Variants in PIEZO2 observed in about 807,000 individuals in gnomAD.
PIEZO2 encodes piezo-type mechanosensitive ion channel component 2.
Under a neutral mutation model 337.3 loss-of-function variants are expected in PIEZO2, and 172 were observed. That is an observed-to-expected ratio of 0.51 (90% confidence interval 0.45 to 0.58). The LOEUF is 0.58. Among genes scored for constraint, PIEZO2 ranks in the 20% least tolerant of loss-of-function variants. The pLI is 0.00. For missense variants in PIEZO2, 3,028 were observed against 3,391.3 expected, an observed-to-expected ratio of 0.89 and a Z score of 2.66; for synonymous variants, 1,251 against 1,228.5, an observed-to-expected ratio of 1.02 and a Z score of -0.38.
chr18:10,695,817 T>C (rs972421960), intron 47 of PIEZO2, among the ~76,000 whole-genome samples: 3 of 152,222 alleles, frequency 2.0e-5, no homozygotes, highest in African/African-American at 4.8e-5. Flanking sequence ...ATTAAGGCTG[T>C]CACCGTTGTT....
At chr18:10,826,702 A>C (rs2040687635) in intron 7 of PIEZO2, among the ~76,000 whole-genome samples, 1 of 152,040 alleles carries the variant, frequency 6.6e-6, no homozygotes, top group African/African-American at 2.4e-5. Flanking sequence ...CCAACCTCTA[A>C]TTGGTTAGTT....
chr18:10,692,094 G>A (rs1469286967), intron 47 of PIEZO2, among the ~76,000 whole-genome samples: 8 of 151,838 alleles, frequency 5.3e-5, no homozygotes, highest in Non-Finnish European at 1.2e-4. Flanking sequence ...ACAGATGGTA[G>A]TCTTCTCTCC....
At chr18:11,030,428 C>T (rs1327913640) in intron 2 of PIEZO2, among the ~76,000 whole-genome samples, 1 of 152,152 alleles carries the variant, frequency 6.6e-6, no homozygotes, top group Non-Finnish European at 1.5e-5. Flanking sequence ...CCCTAGTACT[C>T]CCTAAGCCCA....
In PIEZO2 at chr18:11,090,902, A is replaced by G. The variant is rs1475931422; in HGVS notation, c.65-24680T>C. On this transcript the variant is annotated intron_variant, in intron 1 of 55. Coordinates refer to ENST00000674853, the MANE Select transcript of PIEZO2 (RefSeq NM_001378183.1). The stretch of plus-strand genomic sequence containing the variant: ...GCACTCCAGCCTGGGCGACAGAGCG[A>G]GACTCCGTCTAAAAAAAAAAAAAAA... Among the ~76,000 whole-genome samples, 47 of 132,790 alleles carry G rather than the reference A, an allele frequency of 3.5e-4. No individual in the cohort carries two copies. The Admixed American group carries it at 3.9e-3, about 11-fold the overall frequency. The allele number at this position is 132,790 out of a possible 152,430, so 87.1% of individuals were successfully genotyped here.
At chr18:10,723,071 G>A (rs1035131472) in intron 36 of PIEZO2, among the ~76,000 whole-genome samples, 2 of 148,932 alleles carry the variant, frequency 1.3e-5, no homozygotes, top group African/African-American at 2.5e-5. Context: ...GGATTCAAGC[G>A]ATTCTCCTAC....
rs145822215 is a variant in PIEZO2, at chr18:10,715,576, G to C, written c.5256+74C>G. The C allele has an allele frequency of 3.0e-6, 4 of 1,345,002 alleles. No homozygotes were observed. In the African/African-American group the frequency reaches 4.4e-5, roughly 15 times the overall value. 83.3% of individuals were successfully genotyped at this position (1,345,002 alleles called of 1,614,324 possible). On this transcript the variant is annotated intron_variant, in intron 38 of 55. Coordinates refer to ENST00000674853, the MANE Select transcript of PIEZO2 (RefSeq NM_001378183.1). The stretch of plus-strand genomic sequence containing the variant: ...GAAAGGGCTTTGTCTTATCCTACCT[G>C]GAGTTTTGGACATTGACTTTTAATG...
At chr18:10,806,104 A>G (rs62083238) in intron 8 of PIEZO2, among the ~76,000 whole-genome samples, 71,895 of 152,034 alleles carry the variant, frequency 0.47, 17,149 homozygotes, top group Middle Eastern at 0.57. Context: ...ACTGATGAAC[A>G]TGTGGGAATG....
intron 1 of PIEZO2, among the ~76,000 whole-genome samples, chr18:11,098,082 G>A (rs1215180792): frequency 2.0e-5 from 3 of 152,076 alleles, no homozygotes; most frequent in Admixed American, 6.5e-5. Context: ...TGTGTATCAG[G>A]ATGTCAATCT....
At chr18:10,793,716 G>C (rs775521099) in intron 13 of PIEZO2, among the ~76,000 whole-genome samples, 3 of 152,202 alleles carry the variant, frequency 2.0e-5, no homozygotes, top group Non-Finnish European at 4.4e-5. Context: ...TGCCTTGTAA[G>C]TGAGAGTATA....
intron 1 of PIEZO2, among the ~76,000 whole-genome samples, chr18:11,122,712 G>A (rs546705944): frequency 3.0e-4 from 46 of 152,238 alleles, no homozygotes; most frequent in South Asian, 6.2e-4. Context: ...CCTTGAATAT[G>A]GGAAGATTTA....
Position 10,979,787 on chromosome 18 carries a change from T to G in PIEZO2, c.161-127A>C, listed in dbSNP as rs1426136979. Reference sequence around the variant, plus strand: ...TCAAAAGTATATGGAATGTAATAATTATCATCTTAATTATTAGTCTATAGC... The same window carrying G: ...TCAAAAGTATATGGAATGTAATAATGATCATCTTAATTATTAGTCTATAGC... On this transcript the variant is annotated intron_variant, in intron 2 of 55. Transcript: ENST00000674853. The surrounding 1 kb of genome is among the most constrained non-coding windows in gnomAD (Gnocchi z 4.0). The G allele has an allele frequency of 8.6e-6, 7 of 816,860 alleles. No individual in the cohort carries two copies. The African/African-American group carries it at 1.2e-4, about 14-fold the overall frequency. 50.6% of individuals were successfully genotyped at this position (816,860 alleles called of 1,614,324 possible).
chr18:10,759,318 G>A lies in PIEZO2; in HGVS notation c.3757+164C>T, dbSNP rs189791102. 2.9e-3 allele frequency among the ~76,000 whole-genome samples: 446 copies of A among 152,242 alleles called. 3 individuals carry two copies. The highest frequency in any genetic ancestry group is 4.2e-3 in the Admixed American group (64 of 15,290). On this transcript the variant is annotated intron_variant, in intron 26 of 55. Transcript: ENST00000674853. The surrounding 1 kb of genome is among the most constrained non-coding windows in gnomAD (Gnocchi z 5.5). ...ATTAATTTTGCAAATGTAATAGGGT[G>A]AGTAGAAGCCATTAATGACTTGTGA...
At chr18:11,114,940 A>C (rs2039844533) in intron 1 of PIEZO2, among the ~76,000 whole-genome samples, 1 of 152,228 alleles carries the variant, frequency 6.6e-6, no homozygotes, top group Non-Finnish European at 1.5e-5. Context: ...TTTGACTTTG[A>C]ACTAAATAGG....
chr18:10,914,614 A>G (rs2145094013), intron 3 of PIEZO2, among the ~76,000 whole-genome samples: 1 of 152,272 alleles, frequency 6.6e-6, no homozygotes, highest in Non-Finnish European at 1.5e-5. Flanking sequence ...AATAATTTCG[A>G]TCTGAGGTCA....
chr18:10,725,539 C>T, intron 36 of PIEZO2: 1 of 1,379,850 alleles, frequency 7.2e-7, no homozygotes, highest in Non-Finnish European at 9.8e-7. Context: ...GGAGGGGCCC[C>T]ACTAACTCCC....
Position 10,726,527 on chromosome 18 carries a change from CT to C in PIEZO2, c.5029+4879del. On this transcript the variant is annotated intron_variant, in intron 36 of 55. Transcript: ENST00000674853. This position sits in a 1 kb window ranked among gnomAD's most constrained non-coding sequence, Gnocchi z 5.9. The stretch of plus-strand genomic sequence containing the variant: ...GCAGCCGTTCCTGTGGCGCGCTGCG[CT>C]GCTCTGCTCTGCTACACCAGCCGCC... 3 of 1,448,984 alleles carry C rather than the reference CT, an allele frequency of 2.1e-6. No individual in the cohort carries two copies. Among genetic ancestry groups the C allele is most frequent in the Non-Finnish European group, 2.7e-6 (3 of 1,095,728 alleles). The allele number at this position is 1,448,984 out of a possible 1,614,324, so 89.8% of individuals were successfully genotyped here. A position where few individuals can be genotyped will look rare whatever the true frequency, so the allele number is the denominator to read the frequency against.
At chr18:10,740,014 C>T (rs551835875) in intron 33 of PIEZO2, 1 of 152,158 alleles carries the variant, frequency 6.6e-6, no homozygotes, top group Non-Finnish European at 1.5e-5. Flanking sequence ...TTCACTCCTA[C>T]AATTGTGTGA....
At chr18:10,710,670 G>A (rs1435055966) in intron 39 of PIEZO2, among the ~76,000 whole-genome samples, 1 of 152,180 alleles carries the variant, frequency 6.6e-6, no homozygotes, top group Admixed American at 6.5e-5. Flanking sequence ...CACTGGCCTC[G>A]GAGCAGGGGC....
intron 2 of PIEZO2, among the ~76,000 whole-genome samples, chr18:11,010,716 TTAAA>T (rs982826692): frequency 2.6e-5 from 4 of 152,188 alleles, no homozygotes; most frequent in African/African-American, 9.7e-5. Context: ...CCAGGGGTCA[TTAAA>T]TAATAAAAGA....
Sources: gnomAD v4.1 joint callset for allele counts (sites outside exome capture counted in the v4.1 genomes callset) on GRCh38, gnomAD v4.1.1 for gene constraint, Gnocchi (gnomAD v3.1) non-coding constraint, MANE v1.5 for transcripts, NCBI Gene and HGNC (gene_info 2026-07-23, HGNC 2026-07-21) for gene names.